Variants in LEMD1 observed in about 807,000 individuals in gnomAD.
LEMD1 encodes LEM domain containing 1, also known as LEM domain-containing protein 1.
In LEMD1, 18 loss-of-function variants were observed where a neutral mutation model predicts 17.4. That is an observed-to-expected ratio of 1.04 (90% CI 0.72 to 1.54). The LOEUF is 1.54. Among genes scored for constraint, LEMD1 ranks in the 40% most tolerant of loss-of-function variants. The pLI is 0.00. For missense variants in LEMD1, 195 were observed against 210.4 expected, an observed-to-expected ratio of 0.93 and a Z score of 0.45; for synonymous variants, 88 against 77.8, an observed-to-expected ratio of 1.13 and a Z score of -0.69.
chr1:205,415,848 T>G (rs1558732111), intron 4 of LEMD1, among the ~76,000 whole-genome samples: 1 of 152,180 alleles, frequency 6.6e-6, no homozygotes, highest in South Asian at 2.1e-4. Context: ...AGAAGCCAGA[T>G]GTTAGGGGCT....
chr1:205,438,476 C>T (rs1024601268), intron 1 of LEMD1, among the ~76,000 whole-genome samples: 1 of 152,346 alleles, frequency 6.6e-6, no homozygotes, highest in Non-Finnish European at 1.5e-5. Flanking sequence ...TTTGGCCTTT[C>T]CCTATTCCCT....
At chr1:205,402,421 C>T (rs1199614448) in intron 4 of LEMD1, among the ~76,000 whole-genome samples, 3 of 151,532 alleles carry the variant, frequency 2.0e-5, no homozygotes, top group African/African-American at 4.8e-5. Context: ...TCCTTCACAT[C>T]CCTTGTAAGT....
intron 4 of LEMD1, chr1:205,387,427 T>C (rs1488509576): frequency 6.6e-6 from 1 of 152,098 alleles, no homozygotes; most frequent in Admixed American, 6.6e-5. Flanking sequence ...AAAAATAAAA[T>C]CAGTTTTTGC....
chr1:205,389,033 C>CTTTTTTT (rs1278093645), intron 4 of LEMD1, among the ~76,000 whole-genome samples: 2 of 77,090 alleles, frequency 2.6e-5, no homozygotes, highest in Non-Finnish European at 5.3e-5. Flanking sequence ...AGTACATTTG[C>CTTTTTTT]TTTCTTTTTT....
Position 205,381,699 on chromosome 1 carries a change from A to ACAC in LEMD1, c.502_504dup (p.Val168dup). ...TTATTTTCCACAGTCAGGTAGACAA[A>ACAC]CACCACAATGATGAAAATACCAAGC... On this transcript the variant is annotated inframe_insertion, in exon 6 of 6. Coordinates refer to ENST00000367153, the MANE Select transcript of LEMD1 (RefSeq NM_001199050.2). 8 of 1,614,238 alleles carry ACAC rather than the reference A, an allele frequency of 5.0e-6. No homozygotes were observed. The highest frequency in any genetic ancestry group is 6.8e-6 in the Non-Finnish European group (8 of 1,180,040).
At chr1:205,444,809 G>GC (rs1666355691) in intron 1 of LEMD1, among the ~76,000 whole-genome samples, 2 of 151,808 alleles carry the variant, frequency 1.3e-5, no homozygotes, top group Admixed American at 6.6e-5. Context: ...GGGATATTGC[G>GC]CCCCCCACGA....
At chr1:205,411,225 AGGAG>A (rs1489491312) in intron 4 of LEMD1, among the ~76,000 whole-genome samples, 4 of 143,996 alleles carry the variant, frequency 2.8e-5, no homozygotes, top group African/African-American at 1.0e-4. Flanking sequence ...AAAGGAAGGA[AGGAG>A]GGAGGGAGGG....
At chr1:205,416,529 C>G (rs1408639444) in intron 3 of LEMD1, among the ~76,000 whole-genome samples, 2 of 152,088 alleles carry the variant, frequency 1.3e-5, no homozygotes, top group Admixed American at 1.3e-4. Context: ...TTGCATGCCT[C>G]CAAGAGAAAT....
In LEMD1 at chr1:205,381,428, G is replaced by C; in HGVS notation, c.*230C>G. Reference sequence around the variant, plus strand: ...TATGGAAGCACCTTTAATGAGAGTTGACATGACTTGGGGGATTTCCTAACC... The same window carrying C: ...TATGGAAGCACCTTTAATGAGAGTTCACATGACTTGGGGGATTTCCTAACC... On this transcript the variant is annotated 3_prime_UTR_variant, in exon 6 of 6. Coordinates refer to ENST00000367153, the MANE Select transcript of LEMD1 (RefSeq NM_001199050.2). 2 of 565,184 alleles carry C rather than the reference G, an allele frequency of 3.5e-6. No individual in the cohort carries two copies. Among genetic ancestry groups the C allele is most frequent in the Non-Finnish European group, 6.3e-6 (2 of 316,124 alleles). The allele number at this position is 565,184 out of a possible 1,614,324, so 35.0% of individuals were successfully genotyped here.
chr1:205,411,834 T>C (rs181567539), intron 4 of LEMD1, among the ~76,000 whole-genome samples: 3 of 151,988 alleles, frequency 2.0e-5, no homozygotes, highest in African/African-American at 7.2e-5. Context: ...TAAACTGAGA[T>C]TCTGGCAGGG....
intron 4 of LEMD1, among the ~76,000 whole-genome samples, chr1:205,400,729 A>G (rs1409323919): frequency 6.6e-6 from 1 of 151,606 alleles, no homozygotes; most frequent in Non-Finnish European, 1.5e-5. Context: ...TTTAAGTTCT[A>G]GGGTACATGT....
At chr1:205,447,922 T>A (rs1666430840) in intron 1 of LEMD1, among the ~76,000 whole-genome samples, 1 of 152,182 alleles carries the variant, frequency 6.6e-6, no homozygotes, top group African/African-American at 2.4e-5. Context: ...GGAGTGAGGT[T>A]TTCCTGGAGG....
At chr1:205,422,254 G>A (rs1012966291), upstream of LEMD1, among the ~76,000 whole-genome samples, 7 of 152,240 alleles carry the variant, frequency 4.6e-5, no homozygotes, top group East Asian at 3.9e-4. Context: ...CAAGAGATGC[G>A]GAGAAGTTAT....
chr1:205,429,325 G>T (rs1666096349), intron 1 of LEMD1, among the ~76,000 whole-genome samples: 1 of 152,224 alleles, frequency 6.6e-6, no homozygotes, highest in Non-Finnish European at 1.5e-5. Flanking sequence ...CACGCTGGTG[G>T]TGTGTTTCAA....
chr1:205,447,118 T>C (rs1348154483), intron 1 of LEMD1, among the ~76,000 whole-genome samples: 1 of 152,220 alleles, frequency 6.6e-6, no homozygotes, highest in Non-Finnish European at 1.5e-5. Flanking sequence ...GCTCTCCCAA[T>C]ATGCAGCATG....
upstream of LEMD1, among the ~76,000 whole-genome samples, chr1:205,426,615 G>A (rs979221624): frequency 6.6e-6 from 1 of 152,164 alleles, no homozygotes; most frequent in Non-Finnish European, 1.5e-5. Flanking sequence ...CATGAACAAG[G>A]CTTGGGGGTA....
At chr1:205,394,133 C>T (rs951140593) in intron 4 of LEMD1, among the ~76,000 whole-genome samples, 1 of 118,302 alleles carries the variant, frequency 8.5e-6, no homozygotes, top group Non-Finnish European at 1.6e-5. Context: ...TGAATGATTC[C>T]ATTTATGTGA....
chr1:205,440,956 TC>T (rs1032102211), intron 1 of LEMD1: 1 of 152,348 alleles, frequency 6.6e-6, no homozygotes, highest in African/African-American at 2.4e-5. Context: ...TCTGTGAACT[TC>T]CTCCTTCTTC....
At position 205,394,891 on chromosome 1, in the gene LEMD1, A is replaced by G. The variant is rs566438476; in HGVS notation, c.271-10527T>C. The stretch of plus-strand genomic sequence containing the variant: ...AATCCCAACTACTCTGGAGGCTGAG[A>G]CAGGAGAATCGCTTGAACCAGGGAG... On this transcript the variant is annotated intron_variant, in intron 4 of 5. Coordinates refer to ENST00000367153, the MANE Select transcript of LEMD1 (RefSeq NM_001199050.2). Among the ~76,000 whole-genome samples, 3 of 151,856 alleles carry G rather than the reference A, an allele frequency of 2.0e-5. No homozygotes were observed. In the South Asian group the frequency reaches 6.2e-4, roughly 32 times the overall value.
Sources: allele counts gnomAD v4.1 joint callset (sites outside exome capture counted in the v4.1 genomes callset), GRCh38; gene constraint gnomAD v4.1.1; transcripts MANE v1.5; gene names NCBI Gene and HGNC (gene_info 2026-07-23, HGNC 2026-07-21).